The following ZBTB38 variants were observed in gnomAD, a reference collection of about 807,000 sequenced individuals.
The protein encoded by ZBTB38 is zinc finger and BTB domain-containing protein 38.
Under a neutral mutation model 76.8 loss-of-function variants are expected in ZBTB38, and 20 were observed. That is an observed-to-expected ratio of 0.26 (90% CI 0.18 to 0.38). The LOEUF (loss-of-function observed/expected upper bound fraction) is 0.38. ZBTB38 is among the 10% of genes least tolerant of loss of function. The pLI is 1.00. For synonymous variants in ZBTB38, 504 were observed against 544.2 expected (o/e 0.93, Z 1.03); for missense variants, 1,082 against 1,482.3 (o/e 0.73, Z 4.43).
intron 5 of ZBTB38, among the ~76,000 whole-genome samples, chr3:141,440,658 T>G (rs762745263): frequency 7.9e-5 from 12 of 152,072 alleles, no homozygotes; most frequent in Non-Finnish European, 1.3e-4. Flanking sequence ...TGTGTGTGTT[T>G]TGTTTGTTTG....
rs1245828222 is a variant in ZBTB38 at position 141,444,001 on chromosome 3, T to C, written c.1613T>C (p.Phe538Ser). ...ATACTCAAAAATCATCAGAAGTCTT[T>C]CCATGCCATCGATCATAGACTTTCC... The part of the protein sequence containing the change: ...YYILKNHQKS[F>S]HAIDHRLSIS... The change falls in exon 6 of 6, where the codon TTC (phenylalanine) becomes TCC (serine). Residue 538 changes from phenylalanine (F) to serine (S), a missense_variant. Physicochemically the swap from Phe to Ser is radical, Grantham distance 155. Transcript: ENST00000321464. The surrounding 1 kb of genome is among the most constrained non-coding windows in gnomAD (Gnocchi z 5.1). The C allele has an allele frequency of 6.2e-7, 1 of 1,614,172 alleles. No individual in the cohort carries two copies. Among genetic ancestry groups the C allele is most frequent in the Admixed American group, 1.7e-5 (1 of 60,026 alleles).
At chr3:141,423,103 G>A (rs1204080953) in intron 5 of ZBTB38, among the ~76,000 whole-genome samples, 1 of 152,112 alleles carries the variant, frequency 6.6e-6, no homozygotes, top group Middle Eastern at 3.2e-3. Flanking sequence ...AGCTCCTGAC[G>A]ATACGGCCTG....
chr3:141,417,458 A>T (rs958064670), intron 5 of ZBTB38, among the ~76,000 whole-genome samples: 4 of 152,248 alleles, frequency 2.6e-5, no homozygotes, highest in Non-Finnish European at 5.9e-5. Context: ...GCACATCTAA[A>T]CGCAGTAGAA....
At chr3:141,385,239 A>T (rs1400052451) in intron 3 of ZBTB38, among the ~76,000 whole-genome samples, 3 of 151,798 alleles carry the variant, frequency 2.0e-5, no homozygotes, top group African/African-American at 7.3e-5. Context: ...GCAATTAAAG[A>T]CTTTTGGAGA....
chr3:141,419,764 A>G (rs923498029), intron 5 of ZBTB38, among the ~76,000 whole-genome samples: 6 of 152,188 alleles, frequency 3.9e-5, no homozygotes, highest in African/African-American at 1.2e-4. Context: ...AGGCAGGCAG[A>G]TCATCTGAGG....
intron 5 of ZBTB38, among the ~76,000 whole-genome samples, chr3:141,436,447 C>A (rs1469026344): frequency 6.6e-6 from 1 of 152,170 alleles, no homozygotes; most frequent in Non-Finnish European, 1.5e-5. Flanking sequence ...TTTTGCCAGG[C>A]AGGCTACAAC....
chr3:141,336,106 G>C (rs901156225), intron 1 of ZBTB38, among the ~76,000 whole-genome samples: 5 of 152,208 alleles, frequency 3.3e-5, no homozygotes, highest in African/African-American at 4.8e-5. Context: ...AGACAGTCCT[G>C]TGCTGGAACT....
At chr3:141,398,960 T>C (rs373748523) in intron 4 of ZBTB38, among the ~76,000 whole-genome samples, 5 of 151,948 alleles carry the variant, frequency 3.3e-5, no homozygotes, top group African/African-American at 1.2e-4. Context: ...TTCTCTCCTC[T>C]CTTTTTTTCC....
chr3:141,363,072 A>G (rs1943866040), intron 1 of ZBTB38, among the ~76,000 whole-genome samples: 1 of 152,204 alleles, frequency 6.6e-6, no homozygotes, highest in African/African-American at 2.4e-5. Flanking sequence ...AAATAGTGAA[A>G]CCAGGACTGG....
At chr3:141,333,320 C>A (rs958182905) in intron 1 of ZBTB38, among the ~76,000 whole-genome samples, 3 of 152,112 alleles carry the variant, frequency 2.0e-5, no homozygotes, top group African/African-American at 4.8e-5. Flanking sequence ...GCCCAGGAAA[C>A]CAGCACGGGA....
chr3:141,349,419 A>G (rs1453622443), intron 1 of ZBTB38, among the ~76,000 whole-genome samples: 2 of 152,234 alleles, frequency 1.3e-5, no homozygotes, highest in East Asian at 1.9e-4. Flanking sequence ...AAATCACCAC[A>G]AGGTTAAATC....
intron 5 of ZBTB38, among the ~76,000 whole-genome samples, chr3:141,422,731 G>A (rs927323451): frequency 1.3e-5 from 2 of 152,050 alleles, no homozygotes; most frequent in Non-Finnish European, 2.9e-5. Flanking sequence ...GGGGCTGTGC[G>A]GGTGCCTTAT....
chr3:141,410,262 A>G (rs1162401810), intron 5 of ZBTB38, among the ~76,000 whole-genome samples: 2 of 152,170 alleles, frequency 1.3e-5, no homozygotes, highest in Non-Finnish European at 2.9e-5. Context: ...AGGAAAGTGC[A>G]TGAATTTAAG....
chr3:141,379,437 A>T (rs1232273050), intron 2 of ZBTB38, among the ~76,000 whole-genome samples: 2 of 152,184 alleles, frequency 1.3e-5, no homozygotes, highest in Admixed American at 6.5e-5. Flanking sequence ...CTCACAATCC[A>T]CTGCTACCCC....
intron 5 of ZBTB38, among the ~76,000 whole-genome samples, chr3:141,437,469 C>A (rs569029749): frequency 6.6e-6 from 1 of 152,248 alleles, no homozygotes; most frequent in East Asian, 1.9e-4. Flanking sequence ...ACCCTGCAAA[C>A]CTTTGAGTGT....
intron 4 of ZBTB38, among the ~76,000 whole-genome samples, chr3:141,390,757 C>T (rs1213362952): frequency 2.0e-5 from 3 of 152,156 alleles, no homozygotes. Flanking sequence ...TGCTACATGC[C>T]AGGCATATTC....
intron 4 of ZBTB38, chr3:141,387,403 CAAATT>C (rs1332658318): frequency 1.3e-5 from 2 of 152,154 alleles, no homozygotes; most frequent in African/African-American, 2.4e-5. Context: ...ATGTGAATAT[CAAATT>C]AAACACTTGA....
chr3:141,414,200 A>G (rs2073374123), intron 5 of ZBTB38, among the ~76,000 whole-genome samples: 1 of 152,236 alleles, frequency 6.6e-6, no homozygotes, highest in South Asian at 2.1e-4. Context: ...AAGGTAAGCA[A>G]GTGGTTAGAT....
intron 1 of ZBTB38, among the ~76,000 whole-genome samples, chr3:141,340,587 A>G (rs908670897): frequency 6.6e-5 from 10 of 151,380 alleles, no homozygotes; most frequent in Non-Finnish European, 1.2e-4. Context: ...CTAAATAGAC[A>G]TTTCTCCAAA....
Sources: gnomAD v4.1 joint callset for allele counts (sites outside exome capture counted in the v4.1 genomes callset) on GRCh38, gnomAD v4.1.1 for gene constraint, Gnocchi (gnomAD v3.1) non-coding constraint, MANE v1.5 for transcripts, NCBI Gene and HGNC (gene_info 2026-07-23, HGNC 2026-07-21) for gene names.